Variants in PXDN observed in about 807,000 individuals in gnomAD.
PXDN encodes peroxidasin homolog.
PXDN carries 77 observed loss-of-function variants against 140.3 expected under a neutral mutation model. The observed-to-expected ratio is 0.55, with a 90% CI of 0.46 to 0.66. PXDN has a LOEUF of 0.66. PXDN is among the 30% of genes least tolerant of loss of function. The pLI is 0.00. For synonymous variants in PXDN, 911 were observed against 857.4 expected, an observed-to-expected ratio of 1.06 and a Z score of -1.09; for missense variants, 1,838 against 2,039.5, an observed-to-expected ratio of 0.90 and a Z score of 1.90.
rs1417003379 is a variant in PXDN, at chr2:1,744,105, G to A, written c.200+151C>T. ...CCAGGTCCCCCCACGTCCCCCTTCG[G>A]AGGTTCCCTTCTGCGTCCCAAGTCC... On this transcript the variant is annotated intron_variant, in intron 1 of 22. Coordinates refer to ENST00000252804, the MANE Select transcript of PXDN (RefSeq NM_012293.3). 7.6e-6 allele frequency: 7 copies of A among 916,272 alleles called. No homozygotes were observed. The Admixed American group carries it at 2.0e-4, about 27-fold the overall frequency. The allele number at this position is 916,272 out of a possible 1,614,324, so 56.8% of individuals were successfully genotyped here. A position where few individuals can be genotyped will look rare whatever the true frequency, so the allele number is the denominator to read the frequency against.
At position 1,648,056 on chromosome 2, in the gene PXDN, A is replaced by G. The variant is rs1384408474; in HGVS notation, c.3608+116T>C. Reference sequence around the variant, plus strand: ...CCTTCATGGACTTGACCTTCATCTCACCTCTGCACGACACGAACAAAACTC... The same window carrying G: ...CCTTCATGGACTTGACCTTCATCTCGCCTCTGCACGACACGAACAAAACTC... On this transcript the variant is annotated intron_variant, in intron 17 of 22. Transcript: ENST00000252804. This position sits in a 1 kb window ranked among gnomAD's most constrained non-coding sequence, Gnocchi z 8.9. The G allele has an allele frequency of 2.2e-6, 3 of 1,377,166 alleles. No homozygotes were observed. The highest frequency in any genetic ancestry group is 3.0e-6 in the Non-Finnish European group (3 of 1,003,900). 85.3% of individuals were successfully genotyped at this position (1,377,166 alleles called of 1,614,324 possible).
chr2:1,705,146 G>C (rs1684562432), intron 1 of PXDN, among the ~76,000 whole-genome samples: 1 of 151,708 alleles, frequency 6.6e-6, no homozygotes, highest in African/African-American at 2.4e-5. Flanking sequence ...ACACATCCCA[G>C]TGCCCTGGGC....
chr2:1,693,111 C>A lies in PXDN; in HGVS notation c.224G>T (p.Arg75Ile). The change falls in exon 2 of 23, where the codon AGA (arginine) becomes ATA (isoleucine). Residue 75 changes from arginine to isoleucine, a missense_variant. Around this residue, in one of 5 missense-constraint regions of PXDN, gnomAD observed 231 missense variants for 201.5 expected, o/e 1.15. Coordinates refer to ENST00000252804, the MANE Select transcript of PXDN (RefSeq NM_012293.3). Reference sequence around the variant, plus strand: ...CCTGAATGCCCCAGGTTGGATCTCTCTGATTCTGTTAAAGCGAAGATCTCT... The same window carrying A: ...CCTGAATGCCCCAGGTTGGATCTCTATGATTCTGTTAAAGCGAAGATCTCT... ...SILDLRFNRI[R>I]EIQPGAFRRL... The A allele has an allele frequency of 6.4e-7, 1 of 1,558,226 alleles. No homozygotes were observed. Among genetic ancestry groups the A allele is most frequent in the South Asian group, 1.2e-5 (1 of 84,482 alleles).
rs1484324390 is a variant in PXDN at position 1,634,176 on chromosome 2, G to A, written c.*28C>T. The A allele has an allele frequency of 6.4e-7, 1 of 1,555,214 alleles. No homozygotes were observed. The highest frequency in any genetic ancestry group is 1.2e-5 in the South Asian group (1 of 84,274). ...CACCCGATCTCACGATGGCACAGCA[G>A]ACAAACTCTGAGGAGCCTCCCAGGA... On this transcript the variant is annotated 3_prime_UTR_variant, in exon 23 of 23. Transcript: ENST00000252804.
Position 1,679,673 on chromosome 2 carries a change from G to T in PXDN, c.730+520C>A, listed in dbSNP as rs377589243. On this transcript the variant is annotated intron_variant, in intron 7 of 22. Coordinates refer to ENST00000252804, the MANE Select transcript of PXDN (RefSeq NM_012293.3). ...GGTGTGTGTGTAAATGGTGTGTGTG[G>T]ATGGCACATGTGTGTGGTCTGTGTC... Among the ~76,000 whole-genome samples, 8 of 142,920 alleles carry T rather than the reference G, an allele frequency of 5.6e-5. No homozygotes were observed. The East Asian group carries it at 1.5e-3, about 27-fold the overall frequency. The allele number at this position is 142,920 out of a possible 152,430, so 93.8% of individuals were successfully genotyped here.
At chr2:1,650,360 G>C (rs1045894080) in intron 16 of PXDN, among the ~76,000 whole-genome samples, 1 of 152,208 alleles carries the variant, frequency 6.6e-6, no homozygotes, top group Non-Finnish European at 1.5e-5. Context: ...GCAAGCGCAC[G>C]CTCCCATGAG....
At chr2:1,735,860 C>T (rs1685415583) in intron 1 of PXDN, among the ~76,000 whole-genome samples, 1 of 152,202 alleles carries the variant, frequency 6.6e-6, no homozygotes, top group Admixed American at 6.5e-5. Flanking sequence ...GCATCTTCTT[C>T]CCATAGAAGG....
intron 3 of PXDN, among the ~76,000 whole-genome samples, chr2:1,690,265 G>C (rs934537332): frequency 6.6e-6 from 1 of 152,170 alleles, no homozygotes; most frequent in East Asian, 1.9e-4. Context: ...CCACTGGCCT[G>C]TGCTTCTTCC....
chr2:1,698,485 T>C (rs1027920652), intron 1 of PXDN, among the ~76,000 whole-genome samples: 14 of 152,276 alleles, frequency 9.2e-5, no homozygotes, highest in African/African-American at 3.4e-4. Flanking sequence ...GGTGGCTGAC[T>C]GAGGGAAGGG....
intron 22 of PXDN, among the ~76,000 whole-genome samples, 158 bp downstream of exon 22, chr2:1,635,250 C>T (rs1682519173): frequency 6.6e-6 from 1 of 152,162 alleles, no homozygotes; most frequent in African/African-American, 2.4e-5. Context: ...GCTGGGCTTG[C>T]CTGGTGCTTC....
intron 1 of PXDN, among the ~76,000 whole-genome samples, chr2:1,693,543 G>A (rs748499133): frequency 3.9e-5 from 6 of 152,184 alleles, no homozygotes; most frequent in Non-Finnish European, 7.3e-5. Context: ...GATTTCCTGA[G>A]CTGGAATTAG....
At chr2:1,740,564 G>A (rs1312531838) in intron 1 of PXDN, among the ~76,000 whole-genome samples, 1 of 152,014 alleles carries the variant, frequency 6.6e-6, no homozygotes, top group East Asian at 1.9e-4. Flanking sequence ...ACACAGGCCG[G>A]GAGGTGGGCT....
At chr2:1,733,650 G>A (rs2125492212) in intron 1 of PXDN, among the ~76,000 whole-genome samples, 1 of 149,316 alleles carries the variant, frequency 6.7e-6, no homozygotes, top group South Asian at 2.1e-4. Flanking sequence ...GCTGAGGCAG[G>A]AGAATCGCTT....
Position 1,648,280 on chromosome 2 carries a change from A to T in PXDN, c.3500T>A (p.Ile1167Asn). 6.2e-7 allele frequency: 1 copy of T among 1,613,808 alleles called. No individual in the cohort carries two copies. Among genetic ancestry groups the T allele is most frequent in the Non-Finnish European group, 8.5e-7 (1 of 1,179,850 alleles). Residue 1167 changes from isoleucine (I) to asparagine (N), a missense_variant, in exon 17 of 23, where the codon ATC becomes AAC. This residue lies in a region of PXDN where 850 missense variants were observed against 894.1 expected (regional missense o/e 0.95). Coordinates refer to ENST00000252804, the MANE Select transcript of PXDN (RefSeq NM_012293.3). This position sits in a 1 kb window ranked among gnomAD's most constrained non-coding sequence, Gnocchi z 8.9. ...INIQRGRDHG[I>N]PPYHDYRVYC... ...GACCCTGTAGTCGTGGTAGGGTGGG[A>T]TCCCGTGGTCCCGGCCCCGCTGGAT...
rs1572122246 is a variant in PXDN at position 1,648,057 on chromosome 2, C to T, written c.3608+115G>A. On this transcript the variant is annotated intron_variant, in intron 17 of 22. Transcript: ENST00000252804. The surrounding 1 kb of genome is among the most constrained non-coding windows in gnomAD (Gnocchi z 8.9). Reference sequence around the variant, plus strand: ...CTTCATGGACTTGACCTTCATCTCACCTCTGCACGACACGAACAAAACTCA... The same window carrying T: ...CTTCATGGACTTGACCTTCATCTCATCTCTGCACGACACGAACAAAACTCA... 7.2e-7 allele frequency: 1 copy of T among 1,394,980 alleles called. No homozygotes were observed. Among genetic ancestry groups the T allele is most frequent in the Non-Finnish European group, 9.8e-7 (1 of 1,015,898 alleles). 86.4% of individuals were successfully genotyped at this position (1,394,980 alleles called of 1,614,324 possible). A position where few individuals can be genotyped will look rare whatever the true frequency, so the allele number is the denominator to read the frequency against.
intron 1 of PXDN, among the ~76,000 whole-genome samples, chr2:1,704,396 G>C (rs1213756854): frequency 4.3e-5 from 1 of 23,488 alleles, no homozygotes; most frequent in Non-Finnish European, 7.0e-5. Context: ...GAAGGGGGGG[G>C]CAACTCCAGG....
At chr2:1,682,120 G>A (rs915729759) in intron 6 of PXDN, among the ~76,000 whole-genome samples, 3 of 152,106 alleles carry the variant, frequency 2.0e-5, no homozygotes, top group African/African-American at 7.2e-5. Context: ...AACAGGAGAG[G>A]GGGACCTTGC....
rs1381484888 is a variant in PXDN, at chr2:1,666,500, A to ACAGAAATTCTCAATTAATTTCT, written c.1019-36_1019-15dup. 6.3e-7 allele frequency: 1 copy of ACAGAAATTCTCAATTAATTTCT among 1,578,018 alleles called. No homozygotes were observed. Among genetic ancestry groups the ACAGAAATTCTCAATTAATTTCT allele is most frequent in the Non-Finnish European group, 8.7e-7 (1 of 1,154,400 alleles). On this transcript the variant is annotated splice_polypyrimidine_tract_variant and intron_variant, in intron 9 of 22. Coordinates refer to ENST00000252804, the MANE Select transcript of PXDN (RefSeq NM_012293.3). The stretch of plus-strand genomic sequence containing the variant: ...AAGTGGGTCGAGCTGTCACAATTAA[A>ACAGAAATTCTCAATTAATTTCT]CAGAAATTCTCAATTAATTTCTCCC...
At chr2:1,679,087 CAT>C (rs1491196704) in intron 7 of PXDN, among the ~76,000 whole-genome samples, 8 of 110,820 alleles carry the variant, frequency 7.2e-5, no homozygotes, top group East Asian at 2.5e-4. Context: ...TATGTGCATG[CAT>C]GTGTGTGTGT....
Sources: allele counts gnomAD v4.1 joint callset (sites outside exome capture counted in the v4.1 genomes callset), GRCh38; gene constraint gnomAD v4.1.1; regional missense constraint gnomAD v4.1.1; non-coding constraint Gnocchi (gnomAD v3.1); transcripts MANE v1.5; gene names NCBI Gene and HGNC (gene_info 2026-07-23, HGNC 2026-07-21).